Variants in KMT2C observed in about 807,000 individuals in gnomAD.
KMT2C encodes the protein histone-lysine N-methyltransferase 2C.
In KMT2C, 88 loss-of-function variants were observed where a neutral mutation model predicts 507.9. That is an observed-to-expected ratio of 0.17 (90% CI 0.15 to 0.21). The LOEUF (loss-of-function observed/expected upper bound fraction) is 0.21. Ranked by LOEUF, KMT2C falls within the 10% of genes least tolerant of loss-of-function variation. The pLI is 1.00. For missense variants in KMT2C, 4,954 were observed against 5,957.8 expected (o/e 0.83, Z 5.55); for synonymous variants, 2,049 against 2,080.8 (o/e 0.98, Z 0.42).
At position 152,298,209 on chromosome 7, in the gene KMT2C, G is replaced by GA. The variant is rs775722656; in HGVS notation, c.849+11756dup. 9.7e-4 allele frequency among the ~76,000 whole-genome samples: 147 copies of GA among 151,932 alleles called. 1 individual carries two copies. Among genetic ancestry groups the GA allele is most frequent in the Non-Finnish European group, 1.8e-3 (122 of 67,958 alleles). ...GCAGGTAACTGGAGTCCCCAAAGGA[G>GA]AAAAAAGAGGAAGAGAAAAAAAATA... is the stretch of plus-strand genomic sequence containing the variant. On this transcript the variant is annotated intron_variant, in intron 6 of 58. Coordinates refer to ENST00000262189, the MANE Select transcript of KMT2C (RefSeq NM_170606.3).
At position 152,180,883 on chromosome 7, in the gene KMT2C, G is replaced by T. The variant is rs373659489; in HGVS notation, c.6977C>A (p.Pro2326Gln). ...SQTAHDVADQ[P>Q]RPGSEGSFCA... is the part of the protein sequence containing the mutation. ...GAAGCTCCCCTCTGATCCAGGCCTTGGCTGATCAGCAACATCATGGGCAGT... is the reference window on the plus strand; with the variant it reads ...GAAGCTCCCCTCTGATCCAGGCCTTTGCTGATCAGCAACATCATGGGCAGT... Residue 2326 changes from proline to glutamine, a missense_variant, in exon 36 of 59, where the codon CCA becomes CAA. Pro to Gln is a moderately conservative substitution (Grantham distance 76). This residue lies in a region of KMT2C where 1,689 missense variants were observed against 1,654.3 expected (regional missense o/e 1.02). Coordinates refer to ENST00000262189, the MANE Select transcript of KMT2C (RefSeq NM_170606.3). 38 of 1,614,048 alleles carry T rather than the reference G, an allele frequency of 2.4e-5. No homozygotes were observed. The highest frequency in any genetic ancestry group is 3.2e-5 in the Non-Finnish European group (38 of 1,180,050).
chr7:152,162,580 G>A lies in KMT2C; in HGVS notation c.10997C>T (p.Pro3666Leu), dbSNP rs751536561. Residue 3666 changes from proline to leucine, a missense_variant, in exon 43 of 59, where the codon CCA becomes CTA. Around this residue, in one of 29 missense-constraint regions of KMT2C, gnomAD observed 801 missense variants for 751.2 expected, o/e 1.07. Coordinates refer to ENST00000262189, the MANE Select transcript of KMT2C (RefSeq NM_170606.3). ...GCCTGCTGCCATATTGGGAGTGGATGGGCCGACTGGTTCCACCGACTCTTG... is the reference window on the plus strand; with the variant it reads ...GCCTGCTGCCATATTGGGAGTGGATAGGCCGACTGGTTCCACCGACTCTTG... ...ADQESVEPVG[P>L]STPNMAAGQL... 1.9e-6 allele frequency: 3 copies of A among 1,614,202 alleles called. No homozygotes were observed. The highest frequency in any genetic ancestry group is 2.5e-6 in the Non-Finnish European group (3 of 1,180,044).
Position 152,187,444 on chromosome 7 carries a change from C to G in KMT2C, c.4826G>C (p.Ser1609Thr), listed in dbSNP as rs1489127546. 1 of 1,613,920 alleles carries G rather than the reference C, an allele frequency of 6.2e-7. No individual in the cohort carries two copies. Among genetic ancestry groups the G allele is most frequent in the African/African-American group, 1.3e-5 (1 of 74,878 alleles). Residue 1609 changes from serine to threonine, a missense_variant, in exon 33 of 59, where the codon AGT (serine) becomes ACT (threonine). This residue lies in a region of KMT2C where 195 missense variants were observed against 183.7 expected (regional missense o/e 1.06). Coordinates refer to ENST00000262189, the MANE Select transcript of KMT2C (RefSeq NM_170606.3). ...TGATGTCCAAGAGTTGTTAGGATCACTTGCCATTGGATTAAAGGCTGAATT... is the reference window on the plus strand; with the variant it reads ...TGATGTCCAAGAGTTGTTAGGATCAGTTGCCATTGGATTAAAGGCTGAATT... Reference protein sequence around the residue: ...DKNSAFNPMASDPNNSWTSSA... With the variant: ...DKNSAFNPMATDPNNSWTSSA...
At position 152,162,790 on chromosome 7, in the gene KMT2C, A is replaced by G. The variant is rs528440298; in HGVS notation, c.10787T>C (p.Ile3596Thr). Residue 3596 changes from isoleucine to threonine, a missense_variant, in exon 43 of 59, where the codon ATA becomes ACA. Ile to Thr is a moderately conservative substitution (Grantham distance 89). This residue lies in a region of KMT2C where 801 missense variants were observed against 751.2 expected (regional missense o/e 1.07). Coordinates refer to ENST00000262189, the MANE Select transcript of KMT2C (RefSeq NM_170606.3). ...CTTTTTCCCTTTTTCCTCTGGGATT[A>G]TATCAGAATACAACTGAATGAGCGA... Reference protein sequence around the residue: ...TQSLIQLYSDIIPEEKGKKKR... With the variant: ...TQSLIQLYSDTIPEEKGKKKR... 13 of 1,614,164 alleles carry G rather than the reference A, an allele frequency of 8.1e-6. No individual in the cohort carries two copies. In the South Asian group the frequency reaches 9.9e-5, roughly 12 times the overall value.
intron 1 of KMT2C, among the ~76,000 whole-genome samples, chr7:152,388,801 T>A (rs1589663323): frequency 6.6e-6 from 1 of 152,236 alleles, no homozygotes; most frequent in African/African-American, 2.4e-5. Flanking sequence ...CAGGCTGGAG[T>A]GCAATGGCGT....
chr7:152,135,427 CAG>C lies in KMT2C; in HGVS notation c.*1403_*1404del, dbSNP rs2089797731. 9.2e-6 allele frequency: 2 copies of C among 217,794 alleles called. No individual in the cohort carries two copies. The highest frequency in any genetic ancestry group is 4.5e-5 in the African/African-American group (2 of 44,398). The allele number at this position is 217,794 out of a possible 1,614,324, so 13.5% of individuals were successfully genotyped here. On this transcript the variant is annotated 3_prime_UTR_variant, in exon 59 of 59. Coordinates refer to ENST00000262189, the MANE Select transcript of KMT2C (RefSeq NM_170606.3). ...TTTTTATTAAAGAAATGTAAACAAACAGTTCATACAAACACATTTTAAAATTA... is the reference window on the plus strand; with the variant it reads ...TTTTTATTAAAGAAATGTAAACAAACTTCATACAAACACATTTTAAAATTA...
chr7:152,370,435 C>T (rs2097285301), intron 1 of KMT2C, among the ~76,000 whole-genome samples: 1 of 152,164 alleles, frequency 6.6e-6, no homozygotes, highest in Non-Finnish European at 1.5e-5. Flanking sequence ...CTAACCAACA[C>T]TTTAAGATGA....
At chr7:152,312,223 T>C (rs1254910680) in intron 4 of KMT2C, 1 of 227,578 alleles carries the variant, frequency 4.4e-6, no homozygotes, top group Non-Finnish European at 8.6e-6. Flanking sequence ...CATAATATAA[T>C]GTTTTTAAAA....
rs138865390 is a variant in KMT2C, at chr7:152,314,641, T to C, written c.590+497A>G. ...ACATTTTCTGAAGCACACAAACTTATATATAAATTAAATAAATGACTGAAT... is the reference window on the plus strand; with the variant it reads ...ACATTTTCTGAAGCACACAAACTTACATATAAATTAAATAAATGACTGAAT... On this transcript the variant is annotated intron_variant, in intron 4 of 58. Transcript: ENST00000262189. Among the ~76,000 whole-genome samples, 110 of 152,202 alleles carry C rather than the reference T, an allele frequency of 7.2e-4. 1 individual carries two copies. The highest frequency in any genetic ancestry group is 2.4e-3 in the African/African-American group (99 of 41,540).
chr7:152,162,844 T>C lies in KMT2C; in HGVS notation c.10733A>G (p.His3578Arg), dbSNP rs758091920. The C allele has an allele frequency of 8.7e-6, 14 of 1,614,020 alleles. No homozygotes were observed. In the East Asian group the frequency reaches 2.5e-4, roughly 28 times the overall value. ...LPCGQDSTIT[H>R]GHSYPGSTQS... ...GGTTGATCCCGGATAACTGTGTCCA[T>C]GGGTTATAGTAGAATCTTGGCCACA... Residue 3578 changes from histidine to arginine, a missense_variant, in exon 43 of 59, where the codon CAT becomes CGT. His to Arg is a conservative substitution (Grantham distance 29). Around this residue, in one of 29 missense-constraint regions of KMT2C, gnomAD observed 801 missense variants for 751.2 expected, o/e 1.07. Transcript: ENST00000262189.
At chr7:152,283,926 T>C (rs1421994429) in intron 6 of KMT2C, among the ~76,000 whole-genome samples, 2 of 152,194 alleles carry the variant, frequency 1.3e-5, no homozygotes, top group Non-Finnish European at 2.9e-5. Flanking sequence ...ATAACTCAAA[T>C]CTTTTACATC....
chr7:152,279,033 C>CA (rs141079616), intron 6 of KMT2C, among the ~76,000 whole-genome samples: 39 of 150,374 alleles, frequency 2.6e-4, no homozygotes, highest in African/African-American at 7.5e-4. Context: ...ATAGAATTTT[C>CA]AAAAAAAAAT....
intron 23 of KMT2C, among the ~76,000 whole-genome samples, chr7:152,209,307 A>C (rs1348574426): frequency 1.3e-5 from 2 of 151,624 alleles, no homozygotes; most frequent in Admixed American, 1.3e-4. Flanking sequence ...AATACAAAAA[A>C]TTAGCCAGGT....
chr7:152,305,885 T>C (rs536616064), intron 6 of KMT2C, among the ~76,000 whole-genome samples: 47 of 152,142 alleles, frequency 3.1e-4, no homozygotes, highest in Non-Finnish European at 6.2e-4. Context: ...TTCCTTTCAT[T>C]GAAGAGCAAT....
intron 23 of KMT2C, among the ~76,000 whole-genome samples, chr7:152,212,713 T>C (rs1161408502): frequency 3.9e-5 from 6 of 152,212 alleles, no homozygotes; most frequent in African/African-American, 1.4e-4. Context: ...GAAAGCTTTA[T>C]ATACTAAACA....
chr7:152,141,711 T>TAA (rs1405705091), intron 55 of KMT2C, among the ~76,000 whole-genome samples: 1 of 102,514 alleles, frequency 9.8e-6, no homozygotes, highest in Admixed American at 1.1e-4. Context: ...AGACTCTGTC[T>TAA]CAAAAAAAAA....
chr7:152,152,679 G>A (rs2129097385), intron 49 of KMT2C, 26 bp downstream of exon 49: 7 of 1,610,662 alleles, frequency 4.3e-6, no homozygotes, highest in Non-Finnish European at 5.1e-6. Context: ...ATGGATTTGG[G>A]GTTAACAAAA....
In KMT2C at chr7:152,136,562, AAAAAG is replaced by A. The variant is rs797012780; in HGVS notation, c.*265_*269del. 42 of 372,720 alleles carry A rather than the reference AAAAAG, an allele frequency of 1.1e-4. No homozygotes were observed. The highest frequency in any genetic ancestry group is 6.7e-4 in the African/African-American group (32 of 48,034). The allele number at this position is 372,720 out of a possible 1,614,324, so 23.1% of individuals were successfully genotyped here. A position where few individuals can be genotyped will look rare whatever the true frequency, so the allele number is the denominator to read the frequency against. On this transcript the variant is annotated 3_prime_UTR_variant, in exon 59 of 59. Transcript: ENST00000262189. Reference sequence around the variant, plus strand: ...AAACAAAACAAAAAACAAACAAAAAAAAAAGAAAAGGAAAAGAAAAAAAAGCAAAA... The same window carrying A: ...AAACAAAACAAAAAACAAACAAAAAAAAAAGGAAAAGAAAAAAAAGCAAAA...
At chr7:152,307,391 AGGGAG>A (rs907066415) in intron 6 of KMT2C, among the ~76,000 whole-genome samples, 9 of 144,540 alleles carry the variant, frequency 6.2e-5, no homozygotes, top group African/African-American at 2.3e-4. Flanking sequence ...GGAGGGAGGA[AGGGAG>A]GGGAGAAGGA....
Sources: gnomAD v4.1 joint callset for allele counts (sites outside exome capture counted in the v4.1 genomes callset) on GRCh38, gnomAD v4.1.1 for gene constraint, gnomAD v4.1.1 regional missense constraint, MANE v1.5 for transcripts, NCBI Gene and HGNC (gene_info 2026-07-23, HGNC 2026-07-21) for gene names.